RANBP10: variants seen among roughly 807,000 people sequenced by gnomAD.
RANBP10 encodes RAN binding protein 10, also known as ran-binding protein 10.
Under a neutral mutation model 72.8 loss-of-function variants are expected in RANBP10, and 24 were observed. The observed-to-expected ratio is 0.33, with a 90% CI of 0.24 to 0.46. The LOEUF is 0.46. Among genes scored for constraint, RANBP10 ranks in the 20% least tolerant of loss-of-function variants. RANBP10 has a pLI of 1.00. For synonymous variants in RANBP10, 310 were observed against 322.3 expected (o/e 0.96, Z 0.41); for missense variants, 679 against 817.5 (o/e 0.83, Z 2.07).
chr16:67,782,635 G>A (rs1209781998), intron 2 of RANBP10, among the ~76,000 whole-genome samples: 1 of 151,802 alleles, frequency 6.6e-6, no homozygotes, highest in East Asian at 2.0e-4. Flanking sequence ...GTATTTTTCA[G>A]TAGAGATGGG....
chr16:67,800,192 G>T (rs1017346496), intron 2 of RANBP10, among the ~76,000 whole-genome samples: 1 of 151,962 alleles, frequency 6.6e-6, no homozygotes, highest in Non-Finnish European at 1.5e-5. Flanking sequence ...TGGAATGAAT[G>T]AATGAGTGCA....
intron 2 of RANBP10, among the ~76,000 whole-genome samples, chr16:67,796,731 T>C (rs2055141328): frequency 6.6e-6 from 1 of 152,156 alleles, no homozygotes; most frequent in East Asian, 1.9e-4. Flanking sequence ...AAGAGTTAAG[T>C]AACAAGAAAT....
chr16:67,804,353 G>A (rs1185787763), intron 2 of RANBP10, among the ~76,000 whole-genome samples: 3 of 152,004 alleles, frequency 2.0e-5, no homozygotes, highest in African/African-American at 4.8e-5. Context: ...ATGATTTCCT[G>A]TGTCTGCTTG....
chr16:67,744,182 C>T, intron 4 of RANBP10, 106 bp downstream of exon 4: 1 of 1,517,796 alleles, frequency 6.6e-7, no homozygotes, highest in Non-Finnish European at 8.8e-7. Flanking sequence ...GTGCGGTACC[C>T]CAGAGCTCAG....
Position 67,726,330 on chromosome 16 carries a change from A to G in RANBP10, c.*98T>C. On this transcript the variant is annotated 3_prime_UTR_variant, in exon 14 of 14. Transcript: ENST00000317506. ...CAGGCAGGAGGAGTGGACTCTGTCT[A>G]TGGTTTCCCAGTCCCTGCACCAGTT... 1 of 1,552,744 alleles carries G rather than the reference A, an allele frequency of 6.4e-7. No homozygotes were observed. The highest frequency in any genetic ancestry group is 8.8e-7 in the Non-Finnish European group (1 of 1,142,552).
chr16:67,727,004 A>C (rs1450479725), intron 13 of RANBP10, among the ~76,000 whole-genome samples: 1 of 152,026 alleles, frequency 6.6e-6, no homozygotes, highest in Non-Finnish European at 1.5e-5. Flanking sequence ...TGTTAGATCC[A>C]CTCACCTAGG....
At chr16:67,765,919 G>A (rs1276822925) in intron 3 of RANBP10, among the ~76,000 whole-genome samples, 2 of 152,166 alleles carry the variant, frequency 1.3e-5, no homozygotes, top group Non-Finnish European at 2.9e-5. Context: ...AGGCTGAGGT[G>A]GAAGGAGCAC....
At chr16:67,749,854 T>C (rs771564628) in intron 3 of RANBP10, among the ~76,000 whole-genome samples, 23 of 151,986 alleles carry the variant, frequency 1.5e-4, no homozygotes, top group Non-Finnish European at 3.1e-4. Flanking sequence ...AGGAGCAAAG[T>C]GAAAATCATC....
chr16:67,800,659 C>T (rs908684943), intron 2 of RANBP10, among the ~76,000 whole-genome samples: 5 of 152,172 alleles, frequency 3.3e-5, no homozygotes, highest in Non-Finnish European at 5.9e-5. Flanking sequence ...ACCCGCTCCC[C>T]GAGTTCACAG....
Position 67,744,212 on chromosome 16 carries a change from A to G in RANBP10, c.568+76T>C, listed in dbSNP as rs1160270155. 2.6e-6 allele frequency: 4 copies of G among 1,554,298 alleles called. No homozygotes were observed. The East Asian group carries it at 9.1e-5, about 35-fold the overall frequency. ...GCTCAGCAGAGGCGACACTGCCTTG[A>G]GCACTTGCCCCTGAGCCTCTCACCA... On this transcript the variant is annotated intron_variant, in intron 4 of 13. Coordinates refer to ENST00000317506, the MANE Select transcript of RANBP10 (RefSeq NM_020850.3).
chr16:67,788,244 T>C (rs1208216320), intron 2 of RANBP10, among the ~76,000 whole-genome samples: 2 of 151,848 alleles, frequency 1.3e-5, no homozygotes, highest in African/African-American at 2.4e-5. Flanking sequence ...GAGCCACGCC[T>C]GGCCTCTACA....
intron 4 of RANBP10, chr16:67,739,742 T>C (rs1003802118): frequency 3.3e-5 from 5 of 152,142 alleles, no homozygotes; most frequent in African/African-American, 9.7e-5. Context: ...GGGTTCCAGC[T>C]TGGGTGCCAG....
rs1484105448 is a variant in RANBP10, at chr16:67,725,987, T to TAA, written c.*439_*440dup. 1.4e-4 allele frequency: 21 copies of TAA among 154,578 alleles called. No individual in the cohort carries two copies. The highest frequency in any genetic ancestry group is 3.0e-4 in the Admixed American group (5 of 16,406). 9.6% of individuals were successfully genotyped at this position (154,578 alleles called of 1,614,324 possible). The stretch of plus-strand genomic sequence containing the variant: ...ATATATATTTTTATATATATATATA[T>TAA]AATCTCATTTGTTTTTTACTTATGA... On this transcript the variant is annotated 3_prime_UTR_variant, in exon 14 of 14. Coordinates refer to ENST00000317506, the MANE Select transcript of RANBP10 (RefSeq NM_020850.3).
intron 2 of RANBP10, among the ~76,000 whole-genome samples, chr16:67,775,532 G>A (rs561918377): frequency 3.9e-5 from 6 of 152,162 alleles, no homozygotes; most frequent in East Asian, 3.9e-4. Context: ...AGAAAACCTT[G>A]CCAGGTGTGG....
rs1433898593 is a variant in RANBP10, at chr16:67,726,455, A to G, written c.1836T>C (p.Phe612=). The change falls in exon 14 of 14, where the codon TTT becomes TTC. Residue 612 remains phenylalanine, a synonymous_variant. Coordinates refer to ENST00000317506, the MANE Select transcript of RANBP10 (RefSeq NM_020850.3). ...AGTGCAAGTAGTCATCAACTCTGGC[A>G]AAGGAGCAAGAACCCAGGCCTGCTC... is the stretch of plus-strand genomic sequence containing the variant. ...MARAGLGSCS[F]ARVDDYLH The G allele has an allele frequency of 1.9e-6, 3 of 1,611,692 alleles. No homozygotes were observed. Among genetic ancestry groups the G allele is most frequent in the Non-Finnish European group, 2.5e-6 (3 of 1,179,048 alleles).
intron 3 of RANBP10, among the ~76,000 whole-genome samples, chr16:67,765,791 G>A (rs1029906137): frequency 7.9e-5 from 12 of 152,060 alleles, no homozygotes; most frequent in South Asian, 6.2e-4. Flanking sequence ...AGCCGAGATC[G>A]CGCCACTGCA....
chr16:67,806,486 G>C lies in RANBP10; in HGVS notation c.51C>G (p.Asp17Glu), dbSNP rs760447985. Reference protein sequence around the residue: ...DPGAGNPQPGDSSGGGAGGGL... With the variant: ...DPGAGNPQPGESSGGGAGGGL... ...CGCCCCCAGCGCCCCCGCCGGAGGA[G>C]TCCCCAGGCTGCGGGTTCCCAGCTC... is the stretch of plus-strand genomic sequence containing the variant. The change falls in exon 1 of 14, where the codon GAC (aspartate) becomes GAG (glutamate). Residue 17 changes from aspartate to glutamate, a missense_variant. Asp to Glu is a conservative substitution (Grantham distance 45). Coordinates refer to ENST00000317506, the MANE Select transcript of RANBP10 (RefSeq NM_020850.3). 4 of 1,542,880 alleles carry C rather than the reference G, an allele frequency of 2.6e-6. No individual in the cohort carries two copies. The highest frequency in any genetic ancestry group is 2.3e-5 in the South Asian group (2 of 85,324).
rs921711560 is a variant in RANBP10 at position 67,729,717 on chromosome 16, G to A, written c.1110C>T (p.Pro370=). The A allele has an allele frequency of 1.9e-6, 3 of 1,614,000 alleles. No individual in the cohort carries two copies. Among genetic ancestry groups the A allele is most frequent in the Non-Finnish European group, 2.5e-6 (3 of 1,179,960 alleles). Residue 370 remains proline (P), a synonymous_variant, in exon 9 of 14, where the codon CCC becomes CCT. Transcript: ENST00000317506. The surrounding 1 kb of genome is among the most constrained non-coding windows in gnomAD (Gnocchi z 7.1). Reference sequence around the variant, plus strand: ...TGTGGGAACTACTGGGGCCATGTCGGGGACTGAGGCTGGGGGAGCCAGGGT... The same window carrying A: ...TGTGGGAACTACTGGGGCCATGTCGAGGACTGAGGCTGGGGGAGCCAGGGT... The part of the protein sequence containing the change: ...DSYPGSPSLS[P]RHGPSSSHMH...
intron 2 of RANBP10, among the ~76,000 whole-genome samples, chr16:67,779,960 A>C (rs2054780564): frequency 6.6e-6 from 1 of 152,166 alleles, no homozygotes; most frequent in South Asian, 2.1e-4. Flanking sequence ...TGGGCCAGGC[A>C]CGGTGGCTCA....
Sources: gnomAD v4.1 joint callset for allele counts (sites outside exome capture counted in the v4.1 genomes callset) on GRCh38, gnomAD v4.1.1 for gene constraint, Gnocchi (gnomAD v3.1) non-coding constraint, MANE v1.5 for transcripts, NCBI Gene and HGNC (gene_info 2026-07-23, HGNC 2026-07-21) for gene names.